MAST4: variants seen among roughly 807,000 people sequenced by gnomAD.
The protein encoded by MAST4 is microtubule associated serine/threonine kinase family member 4.
In MAST4, 89 loss-of-function variants were observed where a neutral mutation model predicts 162.7. The ratio of observed to expected loss-of-function variants is 0.55; its 90% CI spans 0.46 to 0.65. The LOEUF is 0.65. MAST4 is among the 30% of genes least tolerant of loss of function. MAST4 has a pLI of 0.00. For missense variants in MAST4, 3,153 were observed against 3,374.0 expected, an observed-to-expected ratio of 0.93 and a Z score of 1.62; for synonymous variants, 1,479 against 1,361.1, an observed-to-expected ratio of 1.09 and a Z score of -1.91.
chr5:67,142,435 TATC>T lies in MAST4; in HGVS notation c.2638_2640del (p.His880del), dbSNP rs1770508720. 1 of 1,598,236 alleles carries T rather than the reference TATC, an allele frequency of 6.3e-7. No individual in the cohort carries two copies. Among genetic ancestry groups the T allele is most frequent in the Non-Finnish European group, 8.5e-7 (1 of 1,171,664 alleles). The stretch of plus-strand genomic sequence containing the variant: ...TTTCACTGCAGCTCGGTCTGAGAAG[TATC>T]ATCATATGGAAACGGAGGAAGAAGA... On this transcript the variant is annotated inframe_deletion, in exon 21 of 29. Coordinates refer to ENST00000403625, the MANE Select transcript of MAST4 (RefSeq NM_001164664.2).
At chr5:66,706,442 C>G (rs1240424406) in intron 1 of MAST4, among the ~76,000 whole-genome samples, 1 of 151,978 alleles carries the variant, frequency 6.6e-6, no homozygotes, top group Admixed American at 6.6e-5. Flanking sequence ...GAAGAAGAGG[C>G]AGTATTTGAG....
At chr5:66,911,779 A>G (rs945021543) in intron 4 of MAST4, among the ~76,000 whole-genome samples, 1 of 152,160 alleles carries the variant, frequency 6.6e-6, no homozygotes, top group Non-Finnish European at 1.5e-5. Flanking sequence ...TTATAGAAAT[A>G]TAATCTTTCA....
At chr5:66,710,186 G>T (rs2149522675) in intron 1 of MAST4, among the ~76,000 whole-genome samples, 1 of 152,306 alleles carries the variant, frequency 6.6e-6, no homozygotes, top group Non-Finnish European at 1.5e-5. Flanking sequence ...TTGTAGAAGT[G>T]ATGTGACTGC....
At chr5:66,682,097 A>C (rs532627849) in intron 1 of MAST4, among the ~76,000 whole-genome samples, 24 of 152,320 alleles carry the variant, frequency 1.6e-4, no homozygotes, top group African/African-American at 5.5e-4. Flanking sequence ...CCTGACCTAC[A>C]TGAGGGCATC....
chr5:66,917,243 C>G, intron 4 of MAST4: 3 of 476,600 alleles, frequency 6.3e-6, no homozygotes, highest in Non-Finnish European at 1.1e-5. Context: ...TTACATTTCT[C>G]TTTTCTTCAC....
chr5:66,809,649 A>C (rs1756380661), intron 3 of MAST4, among the ~76,000 whole-genome samples: 1 of 152,200 alleles, frequency 6.6e-6, no homozygotes. Flanking sequence ...TAAAAAAATG[A>C]TTCCTTTATC....
intron 1 of MAST4, among the ~76,000 whole-genome samples, chr5:66,689,215 C>T (rs1045866423): frequency 2.0e-5 from 3 of 152,032 alleles, no homozygotes; most frequent in Non-Finnish European, 4.4e-5. Context: ...TTAATTGGCA[C>T]TTAGTATTCT....
chr5:67,146,712 A>T (rs1431220015), intron 23 of MAST4, among the ~76,000 whole-genome samples: 1 of 152,156 alleles, frequency 6.6e-6, no homozygotes, highest in Admixed American at 6.5e-5. Flanking sequence ...GGGGAAAATA[A>T]TGTTGGATTT....
At chr5:66,757,547 G>T (rs1753614226) in intron 1 of MAST4, among the ~76,000 whole-genome samples, 2 of 152,140 alleles carry the variant, frequency 1.3e-5, no homozygotes, top group Non-Finnish European at 2.9e-5. Context: ...AAAGATTTGA[G>T]ACACCTTATA....
intron 2 of MAST4, among the ~76,000 whole-genome samples, chr5:66,762,087 G>C (rs572902170): frequency 6.6e-6 from 1 of 152,140 alleles, no homozygotes; most frequent in African/African-American, 2.4e-5. Flanking sequence ...TCTCAAACAT[G>C]AAATTTGGCC....
At chr5:66,925,542 A>G (rs1043723909) in intron 4 of MAST4, among the ~76,000 whole-genome samples, 1 of 152,198 alleles carries the variant, frequency 6.6e-6, no homozygotes, top group Middle Eastern at 3.2e-3. Context: ...ATTTCCCCAG[A>G]AACCAGGACT....
Position 67,165,714 on chromosome 5 carries a change from C to A in MAST4, c.6535C>A (p.Pro2179Thr). 1 of 1,576,164 alleles carries A rather than the reference C, an allele frequency of 6.3e-7. No individual in the cohort carries two copies. Among genetic ancestry groups the A allele is most frequent in the South Asian group, 1.2e-5 (1 of 86,792 alleles). Residue 2179 changes from proline (P) to threonine (T), a missense_variant, in exon 29 of 29, where the codon CCT becomes ACT. Pro to Thr is a conservative substitution (Grantham distance 38, BLOSUM62 -1). Coordinates refer to ENST00000403625, the MANE Select transcript of MAST4 (RefSeq NM_001164664.2). ...TAEPSSSPQD[P>T]PKPVAAHSES... The stretch of plus-strand genomic sequence containing the variant: ...AGAGCCCAGCTCGAGCCCCCAGGAC[C>A]CTCCCAAGCCTGTTGCTGCGCACAG...
intron 3 of MAST4, among the ~76,000 whole-genome samples, chr5:66,803,919 A>G (rs1291980925): frequency 3.9e-5 from 6 of 151,938 alleles, no homozygotes; most frequent in Admixed American, 2.0e-4. Context: ...TTGCCTACTG[A>G]GTATGATAAA....
intron 1 of MAST4, among the ~76,000 whole-genome samples, chr5:66,647,783 G>A (rs187997202): frequency 1.3e-5 from 2 of 152,144 alleles, no homozygotes; most frequent in South Asian, 2.1e-4. Context: ...GGCCATAAAT[G>A]CTTCTTGAGA....
At chr5:66,637,361 G>C (rs1016459706) in intron 1 of MAST4, among the ~76,000 whole-genome samples, 6 of 151,982 alleles carry the variant, frequency 3.9e-5, no homozygotes, top group Non-Finnish European at 5.9e-5. Context: ...GGGACAAAGA[G>C]TAGATACGTT....
At chr5:66,991,928 G>A (rs1188794557) in intron 4 of MAST4, among the ~76,000 whole-genome samples, 1 of 152,174 alleles carries the variant, frequency 6.6e-6, no homozygotes, top group East Asian at 1.9e-4. Context: ...TTATTTGAAG[G>A]TAGCTGCAGT....
rs192070850 is a variant in MAST4 at position 66,895,438 on chromosome 5, C to T, written c.643-4513C>T. ...TTAACCTTTTTCTTGCACCCAGATTCGTTTGTCTAGTTGCCTGTTTGGAAT... is the reference window on the plus strand; with the variant it reads ...TTAACCTTTTTCTTGCACCCAGATTTGTTTGTCTAGTTGCCTGTTTGGAAT... On this transcript the variant is annotated intron_variant, in intron 3 of 28. Transcript: ENST00000403625. Among the ~76,000 whole-genome samples, 8 of 152,196 alleles carry T rather than the reference C, an allele frequency of 5.3e-5. No individual in the cohort carries two copies. The East Asian group carries it at 7.7e-4, about 15-fold the overall frequency.
intron 1 of MAST4, among the ~76,000 whole-genome samples, chr5:66,690,212 C>T (rs73764846): frequency 3.0e-4 from 46 of 152,150 alleles, no homozygotes; most frequent in African/African-American, 9.4e-4. Flanking sequence ...CCTTGTTTGC[C>T]GCAGAGAATT....
At chr5:66,736,303 T>C (rs1016914050) in intron 1 of MAST4, among the ~76,000 whole-genome samples, 1 of 150,184 alleles carries the variant, frequency 6.7e-6, no homozygotes, top group Non-Finnish European at 1.5e-5. Flanking sequence ...TTGGCAACCA[T>C]GTAGTGAGGG....
Sources: gnomAD v4.1 joint callset for allele counts (sites outside exome capture counted in the v4.1 genomes callset) on GRCh38, gnomAD v4.1.1 for gene constraint, MANE v1.5 for transcripts, NCBI Gene and HGNC (gene_info 2026-07-23, HGNC 2026-07-21) for gene names.